Variants in NCOA1 observed in about 807,000 individuals in gnomAD.
The protein encoded by NCOA1 is Hin-2 protein.
Under a neutral mutation model 150.9 loss-of-function variants are expected in NCOA1, and 35 were observed. The ratio of observed to expected loss-of-function variants is 0.23; its 90% CI spans 0.18 to 0.31. The LOEUF is 0.31. Ranked by LOEUF, NCOA1 falls within the 10% of genes least tolerant of loss-of-function variation. The pLI is 1.00. For synonymous variants in NCOA1, 590 were observed against 630.0 expected (o/e 0.94, Z 0.95); for missense variants, 1,491 against 1,749.3 (o/e 0.85, Z 2.63).
intron 3 of NCOA1, among the ~76,000 whole-genome samples, chr2:24,617,788 A>G (rs1668937325): frequency 6.6e-6 from 1 of 152,180 alleles, no homozygotes; most frequent in South Asian, 2.1e-4. Context: ...TCATCACAGT[A>G]CCTGTATTTT....
chr2:24,627,951 GT>G (rs2148423563), intron 3 of NCOA1, among the ~76,000 whole-genome samples: 1 of 152,274 alleles, frequency 6.6e-6, no homozygotes, highest in Admixed American at 6.5e-5. Context: ...TTGTGTTTTA[GT>G]TTTTCTTCCT....
At chr2:24,612,004 G>A (rs1259412292) in intron 3 of NCOA1, among the ~76,000 whole-genome samples, 6 of 152,170 alleles carry the variant, frequency 3.9e-5, no homozygotes, top group African/African-American at 1.2e-4. Context: ...TTGCTTTATA[G>A]GGTCTGTGAG....
chr2:24,645,724 C>T (rs538807289), intron 4 of NCOA1, among the ~76,000 whole-genome samples: 16 of 152,226 alleles, frequency 1.1e-4, no homozygotes, highest in Middle Eastern at 3.4e-3. Context: ...TATATGCTCC[C>T]GTGAGCATTT....
At chr2:24,681,074 A>AAG (rs1672139781) in intron 7 of NCOA1, among the ~76,000 whole-genome samples, 1 of 151,692 alleles carries the variant, frequency 6.6e-6, no homozygotes, top group Non-Finnish European at 1.5e-5. Flanking sequence ...AAAAAAAAAA[A>AAG]AAAATAGGGC....
At chr2:24,648,815 A>C (rs1218768855) in intron 4 of NCOA1, among the ~76,000 whole-genome samples, 4 of 151,982 alleles carry the variant, frequency 2.6e-5, no homozygotes, top group Admixed American at 2.6e-4. Flanking sequence ...ATATTTAACT[A>C]TACTGTATTC....
intron 1 of NCOA1, among the ~76,000 whole-genome samples, chr2:24,552,341 ATATATATATATATTTTTTTTTTT>A (rs1665874473): frequency 3.1e-4 from 10 of 32,644 alleles, no homozygotes; most frequent in East Asian, 1.5e-3. Context: ...ATATATATAT[ATATATATATATATTTTTTTTTTT>A]TTTTTTTTTT....
intron 7 of NCOA1, among the ~76,000 whole-genome samples, chr2:24,674,229 G>A (rs983163734): frequency 4.2e-5 from 6 of 142,144 alleles, no homozygotes; most frequent in African/African-American, 1.3e-4. Context: ...TTTTTGAGAC[G>A]GAGTCTCGCT....
chr2:24,738,776 C>G (rs1267532808), intron 17 of NCOA1, among the ~76,000 whole-genome samples: 2 of 152,136 alleles, frequency 1.3e-5, no homozygotes, highest in Non-Finnish European at 1.5e-5. Flanking sequence ...TATTAATATC[C>G]TGCAGAACAA....
chr2:24,685,905 T>C (rs1048016722), intron 8 of NCOA1, among the ~76,000 whole-genome samples: 3 of 152,246 alleles, frequency 2.0e-5, no homozygotes, highest in Admixed American at 1.3e-4. Flanking sequence ...AATCTTGTCC[T>C]TTCATAGTGT....
chr2:24,576,170 GT>G (rs869093026), intron 2 of NCOA1, among the ~76,000 whole-genome samples: 3 of 46,328 alleles, frequency 6.5e-5, no homozygotes, highest in Admixed American at 3.2e-4. Context: ...TTTGTTTTTT[GT>G]TTTTTTTTTT....
intron 1 of NCOA1, among the ~76,000 whole-genome samples, chr2:24,520,402 T>C (rs1307230877): frequency 6.6e-6 from 1 of 152,222 alleles, no homozygotes. Flanking sequence ...TTAAATGGAA[T>C]AGTACTCATC....
rs551328694 is a variant in NCOA1, at chr2:24,762,379, A to G, written c.4066-308A>G. 1.5e-4 allele frequency among the ~76,000 whole-genome samples: 23 copies of G among 152,346 alleles called. 1 individual carries two copies. In the South Asian group the frequency reaches 4.3e-3, roughly 29 times the overall value. ...AATTAACTTTTTATTAAAGTATCAT[A>G]TATAAGAATATAGAGAAAAGTGTAC... On this transcript the variant is annotated intron_variant, in intron 21 of 22. Coordinates refer to ENST00000348332, the MANE Select transcript of NCOA1 (RefSeq NM_003743.5).
intron 2 of NCOA1, among the ~76,000 whole-genome samples, chr2:24,576,281 A>G (rs776168992): frequency 6.7e-6 from 1 of 148,318 alleles, no homozygotes; most frequent in African/African-American, 2.5e-5. Context: ...ACTCCTTTGC[A>G]TGTCTCCAAG....
chr2:24,730,650 C>T (rs748293902), intron 17 of NCOA1, among the ~76,000 whole-genome samples: 7 of 151,854 alleles, frequency 4.6e-5, no homozygotes, highest in Admixed American at 2.6e-4. Flanking sequence ...AATGAGTAGG[C>T]GTAGTGGCAT....
intron 2 of NCOA1, among the ~76,000 whole-genome samples, chr2:24,576,145 CTTTGTTTTTTTTTTTTTGTTTTTTGTT>C (rs1666946189): frequency 9.9e-6 from 1 of 101,036 alleles, no homozygotes; most frequent in Admixed American, 9.6e-5. Context: ...ATTATTTGGC[CTTTGTTTTTTTTTTTTTGTTTTTTGTT>C]TTTTTTTTTT....
chr2:24,661,781 A>G (rs1337474668), intron 5 of NCOA1, among the ~76,000 whole-genome samples: 1 of 152,150 alleles, frequency 6.6e-6, no homozygotes, highest in East Asian at 1.9e-4. Context: ...TTCTTATGAT[A>G]ATTGCCTTGA....
At chr2:24,583,317 G>A (rs1667276659) in intron 2 of NCOA1, among the ~76,000 whole-genome samples, 1 of 152,008 alleles carries the variant, frequency 6.6e-6, no homozygotes. Flanking sequence ...TTAAACTTCA[G>A]TAATCATTAG....
chr2:24,762,460 CAG>C (rs1380032961), intron 21 of NCOA1, among the ~76,000 whole-genome samples: 1 of 152,190 alleles, frequency 6.6e-6, no homozygotes, highest in Non-Finnish European at 1.5e-5. Context: ...GATCAAGAAA[CAG>C]AATGTCATCA....
In NCOA1 at chr2:24,519,159, A is replaced by G; in HGVS notation, c.-396+27557A>G. Reference sequence around the variant, plus strand: ...GATGGAACAGAATAGAAAGTCTGGAATAGATTCATTCACATATGTGATAAA... The same window carrying G: ...GATGGAACAGAATAGAAAGTCTGGAGTAGATTCATTCACATATGTGATAAA... On this transcript the variant is annotated intron_variant, in intron 1 of 22. Coordinates refer to ENST00000348332, the MANE Select transcript of NCOA1 (RefSeq NM_003743.5). 1.3e-5 allele frequency among the ~76,000 whole-genome samples: 2 copies of G among 152,236 alleles called. 1 individual carries two copies. The highest frequency in any genetic ancestry group is 4.1e-4 in the South Asian group (2 of 4,834).
Sources: gnomAD v4.1 joint callset for allele counts (sites outside exome capture counted in the v4.1 genomes callset) on GRCh38, gnomAD v4.1.1 for gene constraint, MANE v1.5 for transcripts, NCBI Gene and HGNC (gene_info 2026-07-23, HGNC 2026-07-21) for gene names.